The following MAP4 variants were observed in gnomAD, a reference collection of about 807,000 sequenced individuals.
The protein encoded by MAP4 is microtubule-associated protein 4.
A neutral mutation model predicts 170.2 loss-of-function variants in MAP4; 76 were observed. The observed-to-expected ratio is 0.45, with a 90% CI of 0.37 to 0.54. MAP4 has a LOEUF of 0.54. MAP4 is among the 20% of genes least tolerant of loss of function. MAP4 has a pLI of 0.00. For missense variants in MAP4, 2,506 were observed against 2,748.0 expected (o/e 0.91, Z 1.97); for synonymous variants, 909 against 994.5 (o/e 0.91, Z 1.62).
chr3:47,960,439 T>G, intron 3 of MAP4: 1 of 210,590 alleles, frequency 4.7e-6, no homozygotes. Context: ...TACTGAAACT[T>G]TTTTGTTCAT....
intron 2 of MAP4, among the ~76,000 whole-genome samples, chr3:47,979,554 C>A (rs947228098): frequency 6.6e-6 from 1 of 152,110 alleles, no homozygotes; most frequent in African/African-American, 2.4e-5. Flanking sequence ...CTCCTGGGTT[C>A]AAGAGATTCT....
intron 1 of MAP4, among the ~76,000 whole-genome samples, chr3:48,086,679 C>CT (rs2100149229): frequency 6.6e-6 from 1 of 152,162 alleles, no homozygotes; most frequent in Non-Finnish European, 1.5e-5. Context: ...AAAATACCCA[C>CT]TAAGAATATC....
intron 1 of MAP4, among the ~76,000 whole-genome samples, 162 bp downstream of exon 1, chr3:48,016,172 G>A (rs527735017): frequency 1.3e-5 from 2 of 152,298 alleles, no homozygotes; most frequent in African/African-American, 4.8e-5. Context: ...TAGGTTTAAA[G>A]AAGTTATATT....
At chr3:47,979,527 C>T (rs1300320743) in intron 2 of MAP4, among the ~76,000 whole-genome samples, 2 of 152,170 alleles carry the variant, frequency 1.3e-5, no homozygotes, top group Admixed American at 6.5e-5. Flanking sequence ...GCAATCTTGA[C>T]GCTCTGCAAC....
chr3:48,082,532 T>TGG (rs1559920190), intron 1 of MAP4, among the ~76,000 whole-genome samples: 1 of 152,226 alleles, frequency 6.6e-6, no homozygotes, highest in Non-Finnish European at 1.5e-5. Flanking sequence ...CAAGGCACAA[T>TGG]GGCTCATGCC....
In MAP4 at chr3:47,867,217, G is replaced by C; in HGVS notation, c.6501+29C>G. On this transcript the variant is annotated intron_variant, in intron 17 of 20. Transcript: ENST00000683076. ...ATACCCCACAGTGGGCTATATCTCAGATGCCAGCTAACCAGAGCTTATACT... is the reference window on the plus strand; with the variant it reads ...ATACCCCACAGTGGGCTATATCTCACATGCCAGCTAACCAGAGCTTATACT... The C allele has an allele frequency of 2.0e-6, 3 of 1,514,866 alleles. No individual in the cohort carries two copies. Among genetic ancestry groups the C allele is most frequent in the Non-Finnish European group, 2.7e-6 (3 of 1,091,950 alleles). 93.8% of individuals were successfully genotyped at this position (1,514,866 alleles called of 1,614,324 possible).
chr3:47,914,674 A>C (rs2100037660), intron 8 of MAP4, 143 bp downstream of exon 8: 1 of 942,932 alleles, frequency 1.1e-6, no homozygotes, highest in Non-Finnish European at 1.6e-6. Flanking sequence ...TCTAAACCAG[A>C]TAAAATCTGT....
chr3:47,867,204 G>A (rs373453889), intron 17 of MAP4, 42 bp downstream of exon 17: 13 of 1,376,852 alleles, frequency 9.4e-6, no homozygotes, highest in Non-Finnish European at 1.3e-5. Context: ...ACCCCACAGT[G>A]GGCTATATCT....
At chr3:47,942,783 A>G (rs1319249610) in intron 3 of MAP4, among the ~76,000 whole-genome samples, 1 of 152,322 alleles carries the variant, frequency 6.6e-6, no homozygotes, top group South Asian at 2.1e-4. Context: ...AAAAATGTAT[A>G]AAGTTCTTTC....
intron 3 of MAP4, among the ~76,000 whole-genome samples, chr3:47,942,941 C>A (rs1026751599): frequency 6.6e-6 from 1 of 152,018 alleles, no homozygotes; most frequent in Non-Finnish European, 1.5e-5. Flanking sequence ...AAGACCCCAA[C>A]CTCTACAAAA....
At chr3:47,982,303 C>G (rs1274691111) in intron 2 of MAP4, among the ~76,000 whole-genome samples, 1 of 152,026 alleles carries the variant, frequency 6.6e-6, no homozygotes, top group African/African-American at 2.4e-5. Context: ...CATATTAGCA[C>G]AATCAAGAAA....
At chr3:47,976,257 C>A (rs892328826) in intron 3 of MAP4, among the ~76,000 whole-genome samples, 1 of 152,156 alleles carries the variant, frequency 6.6e-6, no homozygotes, top group African/African-American at 2.4e-5. Context: ...ACAAGGGAAT[C>A]CTGAAACAGT....
intron 1 of MAP4, among the ~76,000 whole-genome samples, chr3:48,061,461 C>T (rs1157611600): frequency 6.6e-6 from 1 of 152,182 alleles, no homozygotes; most frequent in Non-Finnish European, 1.5e-5. Flanking sequence ...CCTGAGGTGC[C>T]GGGATTGCAG....
At chr3:47,980,628 A>G (rs528266022) in intron 2 of MAP4, among the ~76,000 whole-genome samples, 101 of 152,308 alleles carry the variant, frequency 6.6e-4, no homozygotes, top group African/African-American at 2.3e-3. Flanking sequence ...AGAAATAAGG[A>G]AGGAAAGACA....
intron 10 of MAP4, among the ~76,000 whole-genome samples, chr3:47,893,259 T>C (rs1454895823): frequency 6.6e-6 from 1 of 152,204 alleles, no homozygotes; most frequent in Admixed American, 6.5e-5. Context: ...ATAGATATTC[T>C]AATTATAAGA....
intron 1 of MAP4, among the ~76,000 whole-genome samples, chr3:48,053,099 T>A (rs2100128777): frequency 6.6e-6 from 1 of 152,212 alleles, no homozygotes; most frequent in Admixed American, 6.5e-5. Context: ...TGGTTTTGAG[T>A]TATACTGCAG....
intron 3 of MAP4, among the ~76,000 whole-genome samples, chr3:47,972,311 G>A (rs967415770): frequency 2.0e-5 from 3 of 152,304 alleles, no homozygotes; most frequent in African/African-American, 7.2e-5. Context: ...AAATGTTACT[G>A]AATGTAGTAA....
intron 10 of MAP4, among the ~76,000 whole-genome samples, chr3:47,883,372 G>GCC (rs2097098880): frequency 6.6e-6 from 1 of 152,048 alleles, no homozygotes; most frequent in Non-Finnish European, 1.5e-5. Context: ...TTACAGGTAT[G>GCC]CGTCACCACG....
chr3:48,044,210 A>G (rs1332485077), intron 1 of MAP4, among the ~76,000 whole-genome samples: 1 of 150,778 alleles, frequency 6.6e-6, no homozygotes, highest in East Asian at 2.0e-4. Context: ...GCTGGAGTGC[A>G]GTGGCGCAAT....
Sources: allele counts gnomAD v4.1 joint callset (sites outside exome capture counted in the v4.1 genomes callset), GRCh38; gene constraint gnomAD v4.1.1; transcripts MANE v1.5; gene names NCBI Gene and HGNC (gene_info 2026-07-23, HGNC 2026-07-21).